TRIB2: variants seen among roughly 807,000 people sequenced by gnomAD.
TRIB2 encodes the protein tribbles homolog 2.
Under a neutral mutation model 26.8 loss-of-function variants are expected in TRIB2, and 2 were observed. The observed-to-expected ratio is 0.07, with a 90% CI of 0.03 to 0.24. The LOEUF is 0.24. Ranked by LOEUF, TRIB2 falls within the 10% of genes least tolerant of loss-of-function variation. The probability of loss-of-function intolerance (pLI) is 1.00; values close to 1 mark genes in which losing one functional copy is unlikely to be tolerated. For synonymous variants in TRIB2, 189 were observed against 187.3 expected, an observed-to-expected ratio of 1.01 and a Z score of -0.08; for missense variants, 306 against 449.0, an observed-to-expected ratio of 0.68 and a Z score of 2.88.
intron 2 of TRIB2, among the ~76,000 whole-genome samples, chr2:12,739,659 G>A (rs765157496): frequency 6.6e-6 from 1 of 152,190 alleles, no homozygotes; most frequent in South Asian, 2.1e-4. Flanking sequence ...GAGGCACCTG[G>A]TATAGCAGAA....
rs957152670 is a variant in TRIB2, at chr2:12,742,619, G to A, written c.*1825G>A. ...ATTTTTTAAGTACCTTGGAGGAGGAGAGGTTGGTGACATGCATGGTGGGGA... is the reference window on the plus strand; with the variant it reads ...ATTTTTTAAGTACCTTGGAGGAGGAAAGGTTGGTGACATGCATGGTGGGGA... On this transcript the variant is annotated 3_prime_UTR_variant, in exon 3 of 3. Transcript: ENST00000155926. 6.6e-6 allele frequency: 1 copy of A among 152,338 alleles called. No homozygotes were observed. The highest frequency in any genetic ancestry group is 6.6e-5 in the Admixed American group (1 of 15,252). 9.4% of individuals were successfully genotyped at this position (152,338 alleles called of 1,614,324 possible).
At position 12,740,226 on chromosome 2, in the gene TRIB2, G is replaced by A; in HGVS notation, c.564-100G>A. On this transcript the variant is annotated intron_variant, in intron 2 of 2. Coordinates refer to ENST00000155926, the MANE Select transcript of TRIB2 (RefSeq NM_021643.4). This position sits in a 1 kb window ranked among gnomAD's most constrained non-coding sequence, Gnocchi z 5.8. ...AATGCGTGAATGAATGAATGTGAATGAGGAGTCTTCAGAAACACTATAGTC... is the reference window on the plus strand; with the variant it reads ...AATGCGTGAATGAATGAATGTGAATAAGGAGTCTTCAGAAACACTATAGTC... 1 of 1,119,134 alleles carries A rather than the reference G, an allele frequency of 8.9e-7. No individual in the cohort carries two copies. Among genetic ancestry groups the A allele is most frequent in the Non-Finnish European group, 1.3e-6 (1 of 769,926 alleles). The allele number at this position is 1,119,134 out of a possible 1,614,324, so 69.3% of individuals were successfully genotyped here.
At chr2:12,724,782 G>C (rs1661302856) in intron 2 of TRIB2, 1 of 1,612,522 alleles carries the variant, frequency 6.2e-7, no homozygotes, top group Non-Finnish European at 8.5e-7. Context: ...TTGGCTCTAA[G>C]GTCTTTTCAA....
At chr2:12,723,119 CA>C (rs1661261313) in intron 1 of TRIB2, 140 bp from the exon 2 acceptor site, 4 of 868,546 alleles carry the variant, frequency 4.6e-6, no homozygotes, top group South Asian at 3.6e-5. Context: ...TGGTAGGAGG[CA>C]GGGCCAATGT....
intron 1 of TRIB2, among the ~76,000 whole-genome samples, chr2:12,720,401 C>G (rs887040173): frequency 6.6e-6 from 1 of 152,164 alleles, no homozygotes; most frequent in Non-Finnish European, 1.5e-5. Context: ...AGAGGTCATC[C>G]CTTTAAGACA....
At chr2:12,720,734 A>G (rs970868997) in intron 1 of TRIB2, among the ~76,000 whole-genome samples, 6 of 152,360 alleles carry the variant, frequency 3.9e-5, no homozygotes, top group African/African-American at 1.4e-4. Context: ...AGAGAATTCC[A>G]TAGGACACTA....
At chr2:12,730,355 C>A (rs1194923215) in intron 2 of TRIB2, among the ~76,000 whole-genome samples, 1 of 152,214 alleles carries the variant, frequency 6.6e-6, no homozygotes, top group Admixed American at 6.5e-5. Context: ...GGCTCCAGAG[C>A]CCAAGCTTTC....
At position 12,741,042 on chromosome 2, in the gene TRIB2, G is replaced by T; in HGVS notation, c.*248G>T. The T allele has an allele frequency of 2.1e-6, 1 of 487,314 alleles. No homozygotes were observed. Among genetic ancestry groups the T allele is most frequent in the Non-Finnish European group, 3.7e-6 (1 of 272,928 alleles). The allele number at this position is 487,314 out of a possible 1,614,324, so 30.2% of individuals were successfully genotyped here. On this transcript the variant is annotated 3_prime_UTR_variant, in exon 3 of 3. Coordinates refer to ENST00000155926, the MANE Select transcript of TRIB2 (RefSeq NM_021643.4). ...AGCTTGTCTTCCCTAACATAGCCTG[G>T]GAGACCACCCCTTGCCACTTGGGCC...
At chr2:12,738,397 T>C (rs1296994508) in intron 2 of TRIB2, among the ~76,000 whole-genome samples, 1 of 152,194 alleles carries the variant, frequency 6.6e-6, no homozygotes, top group Non-Finnish European at 1.5e-5. Context: ...CGCTTGCATG[T>C]GTGCTTTTGA....
intron 1 of TRIB2, among the ~76,000 whole-genome samples, chr2:12,722,974 G>A (rs1053663911): frequency 6.6e-6 from 1 of 152,140 alleles, no homozygotes; most frequent in Non-Finnish European, 1.5e-5. Context: ...ACTGCATTAC[G>A]TTTTGCAAAG....
intron 1 of TRIB2, among the ~76,000 whole-genome samples, chr2:12,719,958 A>C (rs1276458695): frequency 1.3e-5 from 2 of 152,242 alleles, no homozygotes; most frequent in Non-Finnish European, 2.9e-5. Context: ...GCAAGGTTGC[A>C]CAATAGGATA....
chr2:12,738,103 G>T (rs35002856), intron 2 of TRIB2, among the ~76,000 whole-genome samples: 1 of 152,022 alleles, frequency 6.6e-6, no homozygotes, highest in South Asian at 2.1e-4. Flanking sequence ...AGGCATTAGA[G>T]TCAACCCAGG....
chr2:12,731,449 C>T (rs112840729), intron 2 of TRIB2, among the ~76,000 whole-genome samples: 2,375 of 152,232 alleles, frequency 0.016, 51 homozygotes, highest in African/African-American at 0.053. Context: ...TCCGGAAGTA[C>T]ATGTGAAAGA....
In TRIB2 at chr2:12,740,233, C is replaced by A; in HGVS notation, c.564-93C>A. ...GAATGAATGAATGTGAATGAGGAGT[C>A]TTCAGAAACACTATAGTCGGTTATG... On this transcript the variant is annotated intron_variant, in intron 2 of 2. Transcript: ENST00000155926. The surrounding 1 kb of genome is among the most constrained non-coding windows in gnomAD (Gnocchi z 5.8). 8.1e-7 allele frequency: 1 copy of A among 1,241,536 alleles called. No homozygotes were observed. Among genetic ancestry groups the A allele is most frequent in the Non-Finnish European group, 1.1e-6 (1 of 877,690 alleles). 76.9% of individuals were successfully genotyped at this position (1,241,536 alleles called of 1,614,324 possible). A position where few individuals can be genotyped will look rare whatever the true frequency, so the allele number is the denominator to read the frequency against.
intron 2 of TRIB2, among the ~76,000 whole-genome samples, chr2:12,735,220 C>A (rs1661542615): frequency 6.6e-6 from 1 of 152,228 alleles, no homozygotes; most frequent in South Asian, 2.1e-4. Context: ...GAGAAGGAAG[C>A]AAGGTCAAAA....
At chr2:12,725,639 T>C (rs1661325229) in intron 2 of TRIB2, among the ~76,000 whole-genome samples, 1 of 152,220 alleles carries the variant, frequency 6.6e-6, no homozygotes, top group Admixed American at 6.5e-5. Flanking sequence ...GAAGTTACGT[T>C]TGACTTTCGC....
chr2:12,731,013 CATTT>C (rs1661441166), intron 2 of TRIB2, among the ~76,000 whole-genome samples: 1 of 152,168 alleles, frequency 6.6e-6, no homozygotes, highest in African/African-American at 2.4e-5. Flanking sequence ...ATCTCGCAAA[CATTT>C]ATTAAGCACC....
intron 1 of TRIB2, among the ~76,000 whole-genome samples, chr2:12,720,035 A>G (rs1661165002): frequency 6.6e-6 from 1 of 152,252 alleles, no homozygotes; most frequent in South Asian, 2.1e-4. Flanking sequence ...ACAATCACCC[A>G]GCAGTGAATA....
Position 12,732,437 on chromosome 2 carries a change from G to A in TRIB2, c.564-7889G>A, listed in dbSNP as rs922268585. 1.3e-5 allele frequency among the ~76,000 whole-genome samples: 2 copies of A among 152,148 alleles called. No individual in the cohort carries two copies. The highest frequency in any genetic ancestry group is 2.4e-5 in the African/African-American group (1 of 41,420). On this transcript the variant is annotated intron_variant, in intron 2 of 2. Transcript: ENST00000155926. This position sits in a 1 kb window ranked among gnomAD's most constrained non-coding sequence, Gnocchi z 4.2. ...ATTGTGTGGTGTTGTAAGGTCACAA[G>A]AGGCATATTCTCTCCCTATAGACAT...
Sources: gnomAD v4.1 joint callset for allele counts (sites outside exome capture counted in the v4.1 genomes callset) on GRCh38, gnomAD v4.1.1 for gene constraint, Gnocchi (gnomAD v3.1) non-coding constraint, MANE v1.5 for transcripts, NCBI Gene and HGNC (gene_info 2026-07-23, HGNC 2026-07-21) for gene names.